Variants in LRP5 observed in about 807,000 individuals in gnomAD.
LRP5 encodes the protein low-density lipoprotein receptor-related protein 5.
A neutral mutation model predicts 154.1 loss-of-function variants in LRP5; 62 were observed. That is an observed-to-expected ratio of 0.40 (90% confidence interval 0.33 to 0.50). The LOEUF is 0.50. Ranked by LOEUF, LRP5 falls within the 20% of genes least tolerant of loss-of-function variation. LRP5 has a pLI of 0.55. For missense variants in LRP5, 1,915 were observed against 2,336.7 expected (o/e 0.82, Z 3.72); for synonymous variants, 966 against 1,011.5 (o/e 0.96, Z 0.85).
the LRP5 span, among the ~76,000 whole-genome samples, chr11:68,302,704 G>A: frequency 2.0e-5 from 3 of 152,344 alleles, no homozygotes; most frequent in South Asian, 2.1e-4. Flanking sequence ...TGTGTCCCCT[G>A]GAGATGGGTT....
chr11:68,349,375 C>T (rs555178716), intron 2 of LRP5, among the ~76,000 whole-genome samples: 2 of 152,232 alleles, frequency 1.3e-5, no homozygotes, highest in Non-Finnish European at 2.9e-5. Context: ...CTGAGGCAAC[C>T]GATGTGGTTG....
chr11:68,377,516 C>T (rs1027205887), intron 5 of LRP5, among the ~76,000 whole-genome samples: 1 of 152,238 alleles, frequency 6.6e-6, no homozygotes, highest in African/African-American at 2.4e-5. Flanking sequence ...TCACTTGGCA[C>T]AGGATCCCGG....
rs1160574380 is a variant in LRP5, at chr11:68,423,755, T to A, written c.3236+58T>A. 13 of 1,523,744 alleles carry A rather than the reference T, an allele frequency of 8.5e-6. No individual in the cohort carries two copies. Among genetic ancestry groups the A allele is most frequent in the Non-Finnish European group, 1.2e-5 (13 of 1,118,060 alleles). The allele number at this position is 1,523,744 out of a possible 1,614,324, so 94.4% of individuals were successfully genotyped here. ...CCGTCCAGGCGTGCCCGCCGTGTCT[T>A]CTGCCGAATGCCAGCCTCTCACAGG... is the stretch of plus-strand genomic sequence containing the variant. On this transcript the variant is annotated intron_variant, in intron 14 of 22. Transcript: ENST00000294304. The surrounding 1 kb of genome is among the most constrained non-coding windows in gnomAD (Gnocchi z 4.7).
chr11:68,440,540 C>T (rs2098677635), intron 21 of LRP5, among the ~76,000 whole-genome samples: 1 of 152,198 alleles, frequency 6.6e-6, no homozygotes, highest in Admixed American at 6.5e-5. Context: ...CCCAGGATGC[C>T]AAGGCGAGCT....
intron 2 of LRP5, among the ~76,000 whole-genome samples, chr11:68,350,581 G>A (rs1279259085): frequency 6.6e-6 from 1 of 152,260 alleles, no homozygotes; most frequent in Non-Finnish European, 1.5e-5. Flanking sequence ...GGTGCCGGCT[G>A]CAGGAGCCGG....
At chr11:68,323,839 A>G (rs1165769816) in intron 1 of LRP5, among the ~76,000 whole-genome samples, 1 of 152,212 alleles carries the variant, frequency 6.6e-6, no homozygotes, top group African/African-American at 2.4e-5. Flanking sequence ...CCGGGAGTTC[A>G]TGCACTTGCC....
rs752204698 is a variant in LRP5, at chr11:68,433,763, C to T, written c.3925C>T (p.Gln1309Ter). 1.2e-6 allele frequency: 2 copies of T among 1,612,670 alleles called. No homozygotes were observed. Among genetic ancestry groups the T allele is most frequent in the Non-Finnish European group, 1.7e-6 (2 of 1,179,800 alleles). ...SAAQFPCARG[Q>*]CVDLRLRCDG... ...CGCCCAGTTCCCCTGCGCGCGGGGT[C>T]AGTGTGTGGACCTGCGCCTGCGCTG... Residue 1309 changes from glutamine (Q) to a stop codon, truncating the protein, a stop_gained, in exon 18 of 23, where the codon CAG becomes TAG. Transcript: ENST00000294304. LOFTEE classifies it high-confidence loss of function.
In LRP5 at chr11:68,416,505, G is replaced by A. The variant is rs779935967; in HGVS notation, c.3005G>A (p.Arg1002Gln). 3.2e-5 allele frequency: 52 copies of A among 1,613,800 alleles called. No individual in the cohort carries two copies. The highest frequency in any genetic ancestry group is 5.5e-5 in the South Asian group (5 of 91,076). ...YWVDGRQNIK[R>Q]AKDDGTQPFV... ...GTGGATGGGCGCCAGAACATCAAGCGAGCCAAGGACGACGGGACCCAGGCA... is the reference window on the plus strand; with the variant it reads ...GTGGATGGGCGCCAGAACATCAAGCAAGCCAAGGACGACGGGACCCAGGCA... Residue 1002 changes from arginine (R) to glutamine (Q), a missense_variant, in exon 13 of 23, where the codon CGA (arginine) becomes CAA (glutamine). Arg to Gln is a conservative substitution (Grantham distance 43). Coordinates refer to ENST00000294304, the MANE Select transcript of LRP5 (RefSeq NM_002335.4).
At chr11:68,358,535 G>A (rs1275524033) in intron 3 of LRP5, among the ~76,000 whole-genome samples, 1 of 152,158 alleles carries the variant, frequency 6.6e-6, no homozygotes, top group Non-Finnish European at 1.5e-5. Flanking sequence ...CAGTAACCCT[G>A]TCACACGCAC....
At chr11:68,305,981 C>T in the LRP5 span, among the ~76,000 whole-genome samples, 3 of 152,192 alleles carry the variant, frequency 2.0e-5, no homozygotes, top group Non-Finnish European at 2.9e-5. Context: ...GGCTGTGCTC[C>T]GTCTGGAGGC....
At chr11:68,448,088 A>G (rs1239547390) in intron 22 of LRP5, among the ~76,000 whole-genome samples, 1 of 152,220 alleles carries the variant, frequency 6.6e-6, no homozygotes, top group African/African-American at 2.4e-5. Flanking sequence ...GACAAGGAGG[A>G]GCAAGTCACA....
chr11:68,403,443 G>A (rs1443470613), intron 7 of LRP5, 40 bp from the exon 8 acceptor site: 1 of 1,585,954 alleles, frequency 6.3e-7, no homozygotes, highest in Non-Finnish European at 8.7e-7. Context: ...CGTTGGTGTG[G>A]CCCTGGCCCA....
chr11:68,447,291 G>A lies in LRP5; in HGVS notation c.4586+758G>A, dbSNP rs1259912084. On this transcript the variant is annotated intron_variant, in intron 22 of 22. Coordinates refer to ENST00000294304, the MANE Select transcript of LRP5 (RefSeq NM_002335.4). This position sits in a 1 kb window ranked among gnomAD's most constrained non-coding sequence, Gnocchi z 4.3. ...CAGGCCCCACCCCCGCAGGTGAAGG[G>A]GTGGGATAGGCTGGGCCTGGGCCAG... The A allele has an allele frequency of 1.3e-5, 2 of 153,924 alleles. No homozygotes were observed. Among genetic ancestry groups the A allele is most frequent in the Non-Finnish European group, 2.9e-5 (2 of 69,240 alleles). 9.5% of individuals were successfully genotyped at this position (153,924 alleles called of 1,614,324 possible).
intron 1 of LRP5, among the ~76,000 whole-genome samples, chr11:68,335,618 C>G (rs1431299875): frequency 6.6e-6 from 1 of 152,108 alleles, no homozygotes; most frequent in African/African-American, 2.4e-5. Flanking sequence ...GAATTCATGG[C>G]CAACTACGCT....
intron 1 of LRP5, among the ~76,000 whole-genome samples, chr11:68,320,664 G>A (rs1361579195): frequency 2.0e-5 from 3 of 152,040 alleles, no homozygotes; most frequent in Non-Finnish European, 4.4e-5. Context: ...GTTTCACCAT[G>A]TTGGCCAGGC....
At chr11:68,311,699 C>CA (rs1234011925), upstream of LRP5, among the ~76,000 whole-genome samples, 3 of 152,272 alleles carry the variant, frequency 2.0e-5, no homozygotes, top group African/African-American at 7.2e-5. Context: ...TGAGGTACTG[C>CA]AAGCCCTCTC....
chr11:68,399,788 C>T (rs1422389812), intron 7 of LRP5, among the ~76,000 whole-genome samples: 2 of 152,262 alleles, frequency 1.3e-5, no homozygotes, highest in Non-Finnish European at 2.9e-5. Flanking sequence ...CCTGACCCAG[C>T]AGAGTGGCTT....
Position 68,312,761 on chromosome 11 carries a change from TG to T in LRP5, c.48del (p.Leu17CysfsTer66). On this transcript the variant is annotated frameshift_variant, in exon 1 of 23. Coordinates refer to ENST00000294304, the MANE Select transcript of LRP5 (RefSeq NM_002335.4). LOFTEE classifies it high-confidence loss of function. The part of the protein sequence containing the change: ...PGPPWPLLLL[L>X]LLLLALCGCP... ...CCGCCGTGGCCGCTGCTGCTGCTGC[TG>T]CTGCTGCTGCTGGCGCTGTGCGGCT... 1 of 1,090,028 alleles carries T rather than the reference TG, an allele frequency of 9.2e-7. No individual in the cohort carries two copies. The highest frequency in any genetic ancestry group is 1.1e-6 in the Non-Finnish European group (1 of 892,592). The allele number at this position is 1,090,028 out of a possible 1,614,324, so 67.5% of individuals were successfully genotyped here.
Position 68,386,332 on chromosome 11 carries a change from G to C in LRP5, c.1032G>C (p.Leu344=), listed in dbSNP as rs143499301. ...TCTCCACAGGAGCCGAGGAGGTGCT[G>C]CTGCTGGCCCGGCGGACGGACCTAC... is the stretch of plus-strand genomic sequence containing the variant. ...RTCKAGAEEV[L]LLARRTDLRR... is the part of the protein sequence containing the mutation. Residue 344 remains leucine (L), a synonymous_variant, in exon 6 of 23, where the codon CTG becomes CTC. Transcript: ENST00000294304. This position sits in a 1 kb window ranked among gnomAD's most constrained non-coding sequence, Gnocchi z 7.9. 9.7e-5 allele frequency: 156 copies of C among 1,612,720 alleles called. No homozygotes were observed. In the African/African-American group the frequency reaches 1.7e-3, roughly 18 times the overall value.
Sources: gnomAD v4.1 joint callset for allele counts (sites outside exome capture counted in the v4.1 genomes callset) on GRCh38, gnomAD v4.1.1 for gene constraint, Gnocchi (gnomAD v3.1) non-coding constraint, MANE v1.5 for transcripts, NCBI Gene and HGNC (gene_info 2026-07-23, HGNC 2026-07-21) for gene names.